The following EFL1 variants were observed in gnomAD, a reference collection of about 807,000 sequenced individuals.
The protein encoded by EFL1 is elongation factor-like GTPase 1.
In EFL1, 76 loss-of-function variants were observed where a neutral mutation model predicts 126.7. The observed-to-expected ratio is 0.60, with a 90% CI of 0.50 to 0.73. EFL1 has a LOEUF of 0.73. Among genes scored for constraint, EFL1 ranks in the 30% least tolerant of loss-of-function variants. The pLI is 0.00. For synonymous variants in EFL1, 410 were observed against 448.4 expected, an observed-to-expected ratio of 0.91 and a Z score of 1.08; for missense variants, 1,128 against 1,343.2, an observed-to-expected ratio of 0.84 and a Z score of 2.50.
intron 12 of EFL1, among the ~76,000 whole-genome samples, chr15:82,221,003 T>C (rs1289021116): frequency 2.6e-5 from 4 of 152,170 alleles, no homozygotes; most frequent in African/African-American, 7.2e-5. Context: ...GAGGTCCTTA[T>C]GAACCTACCT....
rs139170842 is a variant in EFL1, at chr15:82,214,165, T to C, written c.1750+552A>G. Among the ~76,000 whole-genome samples, 810 of 152,286 alleles carry C rather than the reference T, an allele frequency of 5.3e-3. 7 individuals carry two copies. Among genetic ancestry groups the C allele is most frequent in the Non-Finnish European group, 8.6e-3 (585 of 68,014 alleles). On this transcript the variant is annotated intron_variant, in intron 15 of 19. Transcript: ENST00000268206. ...AGAGAAATTTCTTAATCTGAGTCTT[T>C]AGGGTTGCACTAGAAAACTCAAAAA...
intron 6 of EFL1, among the ~76,000 whole-genome samples, chr15:82,239,246 C>G (rs1373884486): frequency 6.6e-6 from 1 of 152,186 alleles, no homozygotes; most frequent in Non-Finnish European, 1.5e-5. Context: ...ACACCATTCT[C>G]CTGCTTCAGC....
chr15:82,164,835 T>C (rs959342281), intron 15 of EFL1, among the ~76,000 whole-genome samples: 2 of 146,718 alleles, frequency 1.4e-5, no homozygotes, highest in African/African-American at 5.1e-5. Flanking sequence ...AGGCGGGGGA[T>C]GCAGTGAGCC....
At chr15:82,135,277 C>G (rs2073708395) in intron 19 of EFL1, among the ~76,000 whole-genome samples, 4 of 151,610 alleles carry the variant, frequency 2.6e-5, no homozygotes, top group Admixed American at 2.6e-4. Context: ...AAAAGTATTA[C>G]ATGTATAAGA....
At chr15:82,247,926 G>C (rs1424113703) in intron 4 of EFL1, among the ~76,000 whole-genome samples, 1 of 152,086 alleles carries the variant, frequency 6.6e-6, no homozygotes, top group Non-Finnish European at 1.5e-5. Context: ...TAGTGGAAAG[G>C]AGATAACTCA....
At chr15:82,203,289 C>G (rs1178260269) in intron 15 of EFL1, among the ~76,000 whole-genome samples, 1 of 152,146 alleles carries the variant, frequency 6.6e-6, no homozygotes, top group Non-Finnish European at 1.5e-5. Flanking sequence ...CTTGTACTTA[C>G]TGTTTATTTC....
At chr15:82,182,798 C>T (rs935646983) in intron 15 of EFL1, among the ~76,000 whole-genome samples, 3 of 151,598 alleles carry the variant, frequency 2.0e-5, no homozygotes, top group Non-Finnish European at 4.4e-5. Flanking sequence ...GTACTCCAGC[C>T]TGGGCGACAG....
chr15:82,165,254 C>G (rs1238818120), intron 15 of EFL1, among the ~76,000 whole-genome samples: 1 of 151,652 alleles, frequency 6.6e-6, no homozygotes, highest in African/African-American at 2.4e-5. Context: ...AAGGATAGGA[C>G]AGGAGAGAGA....
intron 16 of EFL1, 103 bp downstream of exon 16, chr15:82,163,750 A>G: frequency 1.4e-6 from 2 of 1,381,914 alleles, no homozygotes; most frequent in Non-Finnish European, 1.9e-6. Context: ...ATGAAAATTC[A>G]TTATATACTG....
chr15:82,215,354 C>CAA (rs57660938), intron 14 of EFL1, among the ~76,000 whole-genome samples: 1 of 148,422 alleles, frequency 6.7e-6, no homozygotes, highest in Admixed American at 6.7e-5. Flanking sequence ...ATAAAAATGC[C>CAA]AAAAAAAAAG....
chr15:82,254,637 A>G (rs139956257), intron 3 of EFL1, among the ~76,000 whole-genome samples: 35 of 152,302 alleles, frequency 2.3e-4, no homozygotes, highest in African/African-American at 7.9e-4. Flanking sequence ...TTCTATAAGA[A>G]TCATACTTAA....
Position 82,199,105 on chromosome 15 carries a change from C to T in EFL1, c.1750+15612G>A, listed in dbSNP as rs117381154. Among the ~76,000 whole-genome samples the T allele has an allele frequency of 4.5e-4, 68 of 151,928 alleles. No homozygotes were observed. In the East Asian group the frequency reaches 0.013, roughly 29 times the overall value. ...AGAAAGGAAGGCTTATGAAAGACAC[C>T]TTATATTCCTTCCTCCCTCTCTCAC... On this transcript the variant is annotated intron_variant, in intron 15 of 19. Transcript: ENST00000268206.
At chr15:82,146,577 C>A in intron 18 of EFL1, among the ~76,000 whole-genome samples, 1 of 148,164 alleles carries the variant, frequency 6.7e-6, no homozygotes. Flanking sequence ...GGACATTCTC[C>A]AGTCTAAGCA....
chr15:82,174,654 T>A (rs910340810), intron 15 of EFL1, among the ~76,000 whole-genome samples: 1 of 152,192 alleles, frequency 6.6e-6, no homozygotes, highest in African/African-American at 2.4e-5. Flanking sequence ...GGAACTGGAA[T>A]GTTTCTTGAG....
At chr15:82,183,685 G>C (rs1188316803) in intron 15 of EFL1, among the ~76,000 whole-genome samples, 1 of 152,156 alleles carries the variant, frequency 6.6e-6, no homozygotes, top group Non-Finnish European at 1.5e-5. Context: ...TGAATATTTA[G>C]CCATTTTGAA....
At chr15:82,196,825 A>G (rs1261377977) in intron 15 of EFL1, among the ~76,000 whole-genome samples, 1 of 152,192 alleles carries the variant, frequency 6.6e-6, no homozygotes, top group Non-Finnish European at 1.5e-5. Flanking sequence ...CGAGGTCAGG[A>G]GTTCGAGACC....
intron 4 of EFL1, among the ~76,000 whole-genome samples, chr15:82,251,456 A>C (rs866887279): frequency 3.3e-4 from 50 of 152,220 alleles, no homozygotes; most frequent in African/African-American, 1.1e-3. Flanking sequence ...CAAAGTATAG[A>C]GCAGAACAAC....
At chr15:82,229,144 A>T (rs558680371) in intron 8 of EFL1, 34 bp from the exon 9 acceptor site, 34 of 1,517,826 alleles carry the variant, frequency 2.2e-5, no homozygotes, top group Non-Finnish European at 3.1e-5. Flanking sequence ...TAAGTTCCTG[A>T]ACATTTAATA....
chr15:82,234,233 T>C (rs2903629), intron 7 of EFL1, among the ~76,000 whole-genome samples: 4 of 152,232 alleles, frequency 2.6e-5, no homozygotes, highest in Non-Finnish European at 4.4e-5. Context: ...TTGTGGCTTA[T>C]TAGCAGAATG....
Sources: allele counts gnomAD v4.1 joint callset (sites outside exome capture counted in the v4.1 genomes callset), GRCh38; gene constraint gnomAD v4.1.1; transcripts MANE v1.5; gene names NCBI Gene and HGNC (gene_info 2026-07-23, HGNC 2026-07-21).